MYSM1: variants seen among roughly 807,000 people sequenced by gnomAD.
The protein encoded by MYSM1 is Myb like, SWIRM and MPN domains 1.
MYSM1 carries 51 observed loss-of-function variants against 116.0 expected under a neutral mutation model. The observed-to-expected ratio is 0.44, with a 90% CI of 0.35 to 0.56. The LOEUF (loss-of-function observed/expected upper bound fraction) is 0.56. MYSM1 is among the 20% of genes least tolerant of loss of function. The pLI is 0.00. For synonymous variants in MYSM1, 313 were observed against 315.2 expected, an observed-to-expected ratio of 0.99 and a Z score of 0.07; for missense variants, 900 against 974.9, an observed-to-expected ratio of 0.92 and a Z score of 1.02.
At position 58,670,390 on chromosome 1, in the gene MYSM1, C is replaced by CT. The variant is rs570326551; in HGVS notation, c.1662-1353dup. On this transcript the variant is annotated intron_variant, in intron 12 of 19. Coordinates refer to ENST00000472487, the MANE Select transcript of MYSM1 (RefSeq NM_001085487.3). ...GGACTAGAAATAGACAATTATTGAG[C>CT]TTGTTTCACAATACAAAAAAGCAGA... Among the ~76,000 whole-genome samples, 62 of 152,198 alleles carry CT rather than the reference C, an allele frequency of 4.1e-4. 1 individual carries two copies. In the East Asian group the frequency reaches 0.011, roughly 27 times the overall value.
At position 58,658,867 on chromosome 1, in the gene MYSM1, T is replaced by C. The variant is rs968464564; in HGVS notation, c.*1130A>G. 6.6e-6 allele frequency: 1 copy of C among 151,648 alleles called. No individual in the cohort carries two copies. The highest frequency in any genetic ancestry group is 1.5e-5 in the Non-Finnish European group (1 of 68,004). The allele number at this position is 151,648 out of a possible 1,614,324, so 9.4% of individuals were successfully genotyped here. On this transcript the variant is annotated 3_prime_UTR_variant, in exon 20 of 20. Transcript: ENST00000472487. ...CAAAATTCTAATGTTTAAAATTCTC[T>C]AGATCAAGGGTTGGAGAATAATAGC... is the stretch of plus-strand genomic sequence containing the variant.
At chr1:58,684,652 C>A (rs1644800285) in intron 7 of MYSM1, among the ~76,000 whole-genome samples, 1 of 151,118 alleles carries the variant, frequency 6.6e-6, no homozygotes, top group Non-Finnish European at 1.5e-5. Context: ...GATTAAGAAA[C>A]CAGATCACAA....
At chr1:58,680,803 C>A (rs1247586768) in intron 8 of MYSM1, among the ~76,000 whole-genome samples, 2 of 150,916 alleles carry the variant, frequency 1.3e-5, no homozygotes, top group African/African-American at 4.9e-5. Flanking sequence ...ACAGAATTAG[C>A]AATTATGATT....
At position 58,681,925 on chromosome 1, in the gene MYSM1, C is replaced by G; in HGVS notation, c.1119G>C (p.Lys373Asn). 6.2e-7 allele frequency: 1 copy of G among 1,614,038 alleles called. No individual in the cohort carries two copies. Among genetic ancestry groups the G allele is most frequent in the African/African-American group, 1.3e-5 (1 of 75,018 alleles). Residue 373 changes from lysine to asparagine, a missense_variant, in exon 8 of 20, where the codon AAG becomes AAC. Transcript: ENST00000472487. ...VEESHEEEEL[K>N]PPEQEIEIDR... ...CTATTTCTATTTCCTGTTCTGGTGG[C>G]TTAAGCTCTTCTTCCTCATGGCTTT... is the stretch of plus-strand genomic sequence containing the variant.
chr1:58,670,561 T>C (rs1273464374), intron 12 of MYSM1, among the ~76,000 whole-genome samples: 1 of 152,220 alleles, frequency 6.6e-6, no homozygotes, highest in Non-Finnish European at 1.5e-5. Flanking sequence ...TAGACCTTAT[T>C]GTAGACACTA....
rs568628913 is a variant in MYSM1, at chr1:58,660,903, T to C, written c.2328+267A>G. Among the ~76,000 whole-genome samples the C allele has an allele frequency of 9.9e-5, 15 of 152,148 alleles. No individual in the cohort carries two copies. The South Asian group carries it at 1.2e-3, about 13-fold the overall frequency. On this transcript the variant is annotated intron_variant, in intron 19 of 19. Coordinates refer to ENST00000472487, the MANE Select transcript of MYSM1 (RefSeq NM_001085487.3). ...TTCAAATTTAATAAAATAAGAAAAA[T>C]GTTCTCCATTGTGTATAATAATAAT...
Position 58,659,874 on chromosome 1 carries a change from G to C in MYSM1, c.*123C>G. On this transcript the variant is annotated 3_prime_UTR_variant, in exon 20 of 20. Transcript: ENST00000472487. ...CACATGATTTATGTGGCAAAGTTTG[G>C]ATTTTGTGAAATAGAGAAAAAATAC... The C allele has an allele frequency of 1.5e-6, 1 of 676,250 alleles. No homozygotes were observed. Among genetic ancestry groups the C allele is most frequent in the Non-Finnish European group, 2.3e-6 (1 of 431,314 alleles). 41.9% of individuals were successfully genotyped at this position (676,250 alleles called of 1,614,324 possible).
chr1:58,695,357 A>C, intron 1 of MYSM1, 150 bp from the exon 2 acceptor site: 1 of 524,110 alleles, frequency 1.9e-6, no homozygotes, highest in Non-Finnish European at 3.4e-6. Context: ...ACATTGTGGA[A>C]ATGCCTGCTC....
At position 58,671,919 on chromosome 1, in the gene MYSM1, CCTCTT is replaced by C; in HGVS notation, c.1607_1611del (p.Glu536GlyfsTer7). On this transcript the variant is annotated frameshift_variant, in exon 12 of 20. Coordinates refer to ENST00000472487, the MANE Select transcript of MYSM1 (RefSeq NM_001085487.3). LOFTEE classifies it high-confidence loss of function. ...AAAGATTTAACAGGTCTGCCTTTTT[CCTCTT>C]CTCTTCTTTTTGCCAACTCCTCAGC... The C allele has an allele frequency of 1.2e-6, 2 of 1,612,928 alleles. No individual in the cohort carries two copies. The highest frequency in any genetic ancestry group is 1.7e-6 in the Non-Finnish European group (2 of 1,179,490).
intron 17 of MYSM1, among the ~76,000 whole-genome samples, chr1:58,662,684 T>C (rs1326025541): frequency 6.6e-6 from 1 of 151,974 alleles, no homozygotes; most frequent in Non-Finnish European, 1.5e-5. Flanking sequence ...AAAAATACAA[T>C]TATTTCCTCA....
At chr1:58,670,305 G>A (rs761738344) in intron 12 of MYSM1, among the ~76,000 whole-genome samples, 8 of 152,272 alleles carry the variant, frequency 5.3e-5, no homozygotes, top group East Asian at 3.9e-4. Context: ...TAAGAACCAC[G>A]GATATGGAAC....
intron 2 of MYSM1, 130 bp from the exon 3 acceptor site, chr1:58,693,061 A>AT: frequency 1.5e-6 from 1 of 671,358 alleles, no homozygotes. Flanking sequence ...ACACAGACAT[A>AT]TTTTTGATTA....
At chr1:58,692,056 A>T (rs1243510676) in intron 3 of MYSM1, among the ~76,000 whole-genome samples, 1 of 152,204 alleles carries the variant, frequency 6.6e-6, no homozygotes, top group Admixed American at 6.5e-5. Context: ...TTTAAATTAT[A>T]TGTGACTTTC....
In MYSM1 at chr1:58,659,107, T is replaced by C. The variant is rs1644356172; in HGVS notation, c.*890A>G. On this transcript the variant is annotated 3_prime_UTR_variant, in exon 20 of 20. Coordinates refer to ENST00000472487, the MANE Select transcript of MYSM1 (RefSeq NM_001085487.3). ...ACCTCCATTATAGATTCAGAAAGCA[T>C]ATGAAACTGGGCTGAATATGTAACA... The C allele has an allele frequency of 7.7e-6, 1 of 130,698 alleles. No individual in the cohort carries two copies. The highest frequency in any genetic ancestry group is 2.4e-4 in the South Asian group (1 of 4,232). The allele number at this position is 130,698 out of a possible 1,614,324, so 8.1% of individuals were successfully genotyped here. A position where few individuals can be genotyped will look rare whatever the true frequency, so the allele number is the denominator to read the frequency against.
rs200283055 is a variant in MYSM1, at chr1:58,676,931, C to G, written c.1385G>C (p.Gly462Ala). Reference sequence around the variant, plus strand: ...TGTTGGGTTTTTATTTTTACCACATCCAAAATTGATTGCTCCTATCAATTC... The same window carrying G: ...TGTTGGGTTTTTATTTTTACCACATGCAAAATTGATTGCTCCTATCAATTC... ...YLELIGAINFGCEQAVYNRPQ... is the reference protein window; with the variant it reads ...YLELIGAINFACEQAVYNRPQ... The change falls in exon 9 of 20, where the codon GGA becomes GCA. Residue 462 changes from glycine to alanine, a missense_variant. Coordinates refer to ENST00000472487, the MANE Select transcript of MYSM1 (RefSeq NM_001085487.3). The G allele has an allele frequency of 4.7e-5, 75 of 1,610,046 alleles. No homozygotes were observed. Among genetic ancestry groups the G allele is most frequent in the Non-Finnish European group, 1.1e-5 (13 of 1,178,508 alleles).
In MYSM1 at chr1:58,673,586, CCTT is replaced by C; in HGVS notation, c.1556_1558del (p.Glu519del). The C allele has an allele frequency of 6.2e-7, 1 of 1,613,976 alleles. No individual in the cohort carries two copies. The highest frequency in any genetic ancestry group is 8.5e-7 in the Non-Finnish European group (1 of 1,179,932). ...GGTCAAAGTTACCTCAAACGTTTGT[CCTT>C]CTAAGTCCTTTGCATCACACCAGTT... On this transcript the variant is annotated inframe_deletion, in exon 11 of 20. Coordinates refer to ENST00000472487, the MANE Select transcript of MYSM1 (RefSeq NM_001085487.3).
chr1:58,687,750 C>G (rs1409586310), intron 6 of MYSM1, among the ~76,000 whole-genome samples: 1 of 152,198 alleles, frequency 6.6e-6, no homozygotes, highest in African/African-American at 2.4e-5. Flanking sequence ...ACTGCCTCAT[C>G]ATGGGAACAT....
chr1:58,673,687 A>T, intron 10 of MYSM1, 37 bp from the exon 11 acceptor site: 8 of 1,538,268 alleles, frequency 5.2e-6, no homozygotes, highest in Non-Finnish European at 7.2e-6. Context: ...AGGTAGCAAG[A>T]TTAATATGGA....
intron 12 of MYSM1, among the ~76,000 whole-genome samples, chr1:58,669,609 T>C (rs1644525464): frequency 6.6e-6 from 1 of 151,932 alleles, no homozygotes; most frequent in African/African-American, 2.4e-5. Flanking sequence ...GGCAGACCCC[T>C]TGAGCCTAGG....
Sources: allele counts gnomAD v4.1 joint callset (sites outside exome capture counted in the v4.1 genomes callset), GRCh38; gene constraint gnomAD v4.1.1; transcripts MANE v1.5; gene names NCBI Gene and HGNC (gene_info 2026-07-23, HGNC 2026-07-21).